The following DMD variants were observed in gnomAD, a reference collection of about 807,000 sequenced individuals.
DMD encodes the protein dystrophin, also known as mutant dystrophin.
DMD carries 63 observed loss-of-function variants against 330.1 expected under a neutral mutation model. The ratio of observed to expected loss-of-function variants is 0.19; its 90% CI spans 0.16 to 0.24. The LOEUF (loss-of-function observed/expected upper bound fraction) is 0.24, where lower values mean the gene tolerates loss of function less well. Ranked by LOEUF, DMD falls within the 10% of genes least tolerant of loss-of-function variation. The probability of loss-of-function intolerance (pLI) is 1.00; values close to 1 mark genes in which losing one functional copy is unlikely to be tolerated. For missense variants in DMD, 3,344 were observed against 2,684.1 expected, an observed-to-expected ratio of 1.25 and a Z score of -5.43; for synonymous variants, 1,223 against 959.8, an observed-to-expected ratio of 1.27 and a Z score of -5.07.
At chrX:33,260,809 T>C (rs1460408845) in intron 1 of DMD, among the ~76,000 whole-genome samples, 1 of 111,524 alleles carries the variant, frequency 9.0e-6, no homozygotes, top group Non-Finnish European at 1.9e-5. Context: ...GATGATAGGT[T>C]GTAAGGTACT....
chrX:32,950,283 A>G (rs1011004836), intron 2 of DMD, among the ~76,000 whole-genome samples: 7 of 111,423 alleles, frequency 6.3e-5, no homozygotes, highest in Non-Finnish European at 1.3e-4. Flanking sequence ...TACTTGTATC[A>G]GCTATTTAAT....
chrX:33,015,975 T>C (rs1210328637), intron 2 of DMD, among the ~76,000 whole-genome samples: 1 of 110,997 alleles, frequency 9.0e-6, no homozygotes, highest in Admixed American at 9.6e-5. Context: ...TAAAAGCTGA[T>C]AGAGCCAGCG....
chrX:32,559,928 G>C (rs1306967126), intron 16 of DMD, among the ~76,000 whole-genome samples: 1 of 110,644 alleles, frequency 9.0e-6, no homozygotes, highest in African/African-American at 3.3e-5. Flanking sequence ...CTTGAATGTA[G>C]GCACAAACAT....
At chrX:31,468,341 T>C (rs903999495) in intron 59 of DMD, among the ~76,000 whole-genome samples, 2 of 112,402 alleles carry the variant, frequency 1.8e-5, no homozygotes, top group African/African-American at 6.5e-5. Flanking sequence ...GCTTTAGCTG[T>C]GTCCCAGAGA....
chrX:31,967,793 A>G (rs1394847066), intron 45 of DMD, among the ~76,000 whole-genome samples: 1 of 111,850 alleles, frequency 8.9e-6, no homozygotes, highest in Non-Finnish European at 1.9e-5. Flanking sequence ...AATTTAAATG[A>G]TGATTGAATT....
intron 45 of DMD, among the ~76,000 whole-genome samples, chrX:31,958,122 A>T (rs199604830): frequency 0.18 from 14,747 of 81,993 alleles, 1,514 homozygotes; most frequent in East Asian, 0.32. Flanking sequence ...TTTTTTTTTA[A>T]AAATGGTACA....
At chrX:32,582,677 A>T (rs907534277) in intron 13 of DMD, among the ~76,000 whole-genome samples, 1 of 111,640 alleles carries the variant, frequency 9.0e-6, no homozygotes. Flanking sequence ...ATAATCTTTA[A>T]AAAGGAAGAA....
At chrX:32,944,981 T>C (rs1167087678) in intron 2 of DMD, among the ~76,000 whole-genome samples, 1 of 111,624 alleles carries the variant, frequency 9.0e-6, no homozygotes, top group Non-Finnish European at 1.9e-5. Context: ...ACATTTTCTA[T>C]TAATCCTCAT....
chrX:32,090,268 G>C (rs1474387587), intron 44 of DMD, among the ~76,000 whole-genome samples: 1 of 111,482 alleles, frequency 9.0e-6, no homozygotes, highest in East Asian at 2.8e-4. Flanking sequence ...CATTAGGAGG[G>C]GAGTTAGAAT....
At chrX:32,167,446 A>T (rs1227030356) in intron 44 of DMD, among the ~76,000 whole-genome samples, 5 of 111,698 alleles carry the variant, frequency 4.5e-5, no homozygotes, top group African/African-American at 3.3e-5. Flanking sequence ...TAATTTCCTC[A>T]ACTGTGACTT....
At chrX:32,200,839 T>C (rs985952313) in intron 44 of DMD, among the ~76,000 whole-genome samples, 1 of 111,730 alleles carries the variant, frequency 9.0e-6, no homozygotes, top group Admixed American at 9.5e-5. Flanking sequence ...CTTATGTGGC[T>C]AGGGGGCACT....
At chrX:31,890,149 AG>A (rs768902463) in intron 47 of DMD, among the ~76,000 whole-genome samples, 4 of 109,253 alleles carry the variant, frequency 3.7e-5, no homozygotes, top group African/African-American at 9.9e-5. Context: ...TATGGATTTC[AG>A]GGGGGGAAAG....
At chrX:32,284,280 T>A (rs1475034868) in intron 43 of DMD, among the ~76,000 whole-genome samples, 1 of 111,831 alleles carries the variant, frequency 8.9e-6, no homozygotes, top group African/African-American at 3.3e-5. Context: ...TTCCCCATTC[T>A]TAGTAAGATA....
chrX:32,701,220 AT>A lies in DMD; in HGVS notation c.650-1928del, dbSNP rs1255948905. Among the ~76,000 whole-genome samples the A allele has an allele frequency of 2.7e-5, 3 of 112,022 alleles. No individual in the cohort carries two copies. In the South Asian group the frequency reaches 1.1e-3, roughly 41 times the overall value. On this transcript the variant is annotated intron_variant, in intron 7 of 78. Transcript: ENST00000357033. The stretch of plus-strand genomic sequence containing the variant: ...TGAATAAGGGCCAAAAACATTACTT[AT>A]AAGCAGACTGTTACATCATCTCCCG...
intron 2 of DMD, among the ~76,000 whole-genome samples, chrX:32,936,404 G>A (rs1451642129): frequency 9.0e-6 from 1 of 111,667 alleles, no homozygotes; most frequent in Non-Finnish European, 1.9e-5. Flanking sequence ...GAGCCACCGC[G>A]CCCAGCTTAC....
chrX:32,924,930 ATAAAACGTGTT>A (rs1330535627), intron 2 of DMD, among the ~76,000 whole-genome samples: 1 of 110,907 alleles, frequency 9.0e-6, no homozygotes, highest in Non-Finnish European at 1.9e-5. Flanking sequence ...AATTTTTAGC[ATAAAACGTGTT>A]TAAAATAAAA....
intron 30 of DMD, among the ~76,000 whole-genome samples, chrX:32,411,338 C>T (rs1339108846): frequency 9.0e-6 from 1 of 110,517 alleles, no homozygotes; most frequent in Admixed American, 9.7e-5. Flanking sequence ...ACCATGTTGG[C>T]CAGGCTGGTC....
intron 1 of DMD, among the ~76,000 whole-genome samples, chrX:33,157,551 G>C (rs2048564404): frequency 8.9e-6 from 1 of 112,381 alleles, no homozygotes; most frequent in South Asian, 3.7e-4. Flanking sequence ...AATCCTCAAT[G>C]AACTGACTGC....
intron 64 of DMD, among the ~76,000 whole-genome samples, chrX:31,217,656 A>G (rs2045552116): frequency 8.9e-6 from 1 of 112,223 alleles, no homozygotes; most frequent in African/African-American, 3.2e-5. Context: ...TTGCAGGCTT[A>G]GAAATGACAA....
Sources: allele counts gnomAD v4.1 joint callset (sites outside exome capture counted in the v4.1 genomes callset), GRCh38; gene constraint gnomAD v4.1.1; transcripts MANE v1.5; gene names NCBI Gene and HGNC (gene_info 2026-07-23, HGNC 2026-07-21).